The following BTBD10 variants were observed in gnomAD, a reference collection of about 807,000 sequenced individuals.
The protein encoded by BTBD10 is BTB domain containing 10, also known as BTB/POZ domain-containing protein 10.
In BTBD10, 21 loss-of-function variants were observed where a neutral mutation model predicts 53.2. The ratio of observed to expected loss-of-function variants is 0.39; its 90% CI spans 0.28 to 0.57. BTBD10 has a LOEUF of 0.57. BTBD10 is among the 20% of genes least tolerant of loss of function. The pLI, the probability that BTBD10 is intolerant of heterozygous loss-of-function variation, is 0.53. For synonymous variants in BTBD10, 149 were observed against 192.7 expected, an observed-to-expected ratio of 0.77 and a Z score of 1.88; for missense variants, 360 against 594.7, an observed-to-expected ratio of 0.61 and a Z score of 4.10.
At chr11:13,444,751 C>T (rs968271453) in intron 2 of BTBD10, among the ~76,000 whole-genome samples, 7 of 152,096 alleles carry the variant, frequency 4.6e-5, no homozygotes, top group African/African-American at 1.4e-4. Context: ...GTGAGAGTCC[C>T]CAATTAAGTA....
chr11:13,398,614 G>T (rs902488669), intron 8 of BTBD10, among the ~76,000 whole-genome samples: 1 of 152,192 alleles, frequency 6.6e-6, no homozygotes, highest in Non-Finnish European at 1.5e-5. Flanking sequence ...TTGTTCATTA[G>T]TTGATGCAGT....
chr11:13,460,041 C>T (rs1951060908), intron 1 of BTBD10, among the ~76,000 whole-genome samples: 1 of 152,194 alleles, frequency 6.6e-6, no homozygotes, highest in Non-Finnish European at 1.5e-5. Flanking sequence ...AACAGGAGCA[C>T]CTCACAAACA....
chr11:13,402,703 C>T (rs1428140920), intron 8 of BTBD10, among the ~76,000 whole-genome samples: 1 of 152,160 alleles, frequency 6.6e-6, no homozygotes, highest in Non-Finnish European at 1.5e-5. Context: ...ATAATTTGTA[C>T]TTACCTTGAA....
intron 2 of BTBD10, among the ~76,000 whole-genome samples, chr11:13,429,375 A>G (rs187715507): frequency 2.0e-5 from 3 of 152,302 alleles, no homozygotes; most frequent in Admixed American, 2.0e-4. Context: ...GACTAACATG[A>G]TCTGATTTCA....
chr11:13,426,393 A>G (rs1303674904), intron 2 of BTBD10, among the ~76,000 whole-genome samples: 1 of 152,106 alleles, frequency 6.6e-6, no homozygotes, highest in African/African-American at 2.4e-5. Context: ...CAGAAAAAAA[A>G]GCTAATGCCA....
intron 2 of BTBD10, among the ~76,000 whole-genome samples, chr11:13,436,340 T>C (rs746060742): frequency 6.6e-6 from 1 of 152,204 alleles, no homozygotes; most frequent in Non-Finnish European, 1.5e-5. Context: ...GCAGCATCCC[T>C]AGCCTCCATC....
At chr11:13,398,892 G>C (rs1591094100) in intron 8 of BTBD10, among the ~76,000 whole-genome samples, 1 of 152,322 alleles carries the variant, frequency 6.6e-6, no homozygotes, top group African/African-American at 2.4e-5. Context: ...CTGGCTTGTA[G>C]AGTTTCTGCT....
chr11:13,389,551 C>T (rs536707488), intron 8 of BTBD10, among the ~76,000 whole-genome samples: 129 of 152,214 alleles, frequency 8.5e-4, no homozygotes, highest in Admixed American at 1.8e-3. Context: ...CCTCAGTCTC[C>T]AGAGTAGCGC....
chr11:13,399,661 T>C (rs1949659586), intron 8 of BTBD10, among the ~76,000 whole-genome samples: 1 of 152,180 alleles, frequency 6.6e-6, no homozygotes, highest in Admixed American at 6.5e-5. Context: ...CTCTGTTTTT[T>C]CCCCATCTTT....
chr11:13,422,604 T>C (rs1044080176), intron 2 of BTBD10, among the ~76,000 whole-genome samples: 3 of 151,872 alleles, frequency 2.0e-5, no homozygotes, highest in African/African-American at 7.3e-5. Flanking sequence ...ATCACGCCAC[T>C]GCACTCCAGC....
chr11:13,428,021 T>C (rs978579132), intron 2 of BTBD10, among the ~76,000 whole-genome samples: 52 of 151,986 alleles, frequency 3.4e-4, no homozygotes, highest in African/African-American at 1.2e-3. Context: ...ATTCCTACAT[T>C]AGAAAAGAAG....
intron 1 of BTBD10, among the ~76,000 whole-genome samples, chr11:13,457,407 T>A (rs546840637): frequency 5.3e-5 from 8 of 152,258 alleles, no homozygotes; most frequent in Non-Finnish European, 1.0e-4. Context: ...CTGAATAAAC[T>A]ACATGCATCC....
chr11:13,459,425 G>A (rs1951044233), intron 1 of BTBD10, among the ~76,000 whole-genome samples: 4 of 152,038 alleles, frequency 2.6e-5, no homozygotes, highest in Admixed American at 6.5e-5. Context: ...ACCCGAGCAA[G>A]ATACACTAGG....
At chr11:13,415,820 T>G (rs1394952740) in intron 5 of BTBD10, among the ~76,000 whole-genome samples, 1 of 151,796 alleles carries the variant, frequency 6.6e-6, no homozygotes, top group African/African-American at 2.4e-5. Flanking sequence ...TAGCTAATTT[T>G]TGGAAATATT....
At chr11:13,454,535 TGTAA>T (rs1950925896) in intron 1 of BTBD10, among the ~76,000 whole-genome samples, 2 of 152,076 alleles carry the variant, frequency 1.3e-5, no homozygotes, top group African/African-American at 4.8e-5. Context: ...CCAATTGAAT[TGTAA>T]GTATCTAATT....
chr11:13,413,797 C>G (rs1274944352), intron 5 of BTBD10, 147 bp from the exon 6 acceptor site: 7 of 650,118 alleles, frequency 1.1e-5, no homozygotes, highest in Non-Finnish European at 1.6e-5. Flanking sequence ...TAGATGAGAC[C>G]TCCGTTCACC....
intron 8 of BTBD10, among the ~76,000 whole-genome samples, chr11:13,399,605 TGGA>T (rs1457046321): frequency 2.6e-5 from 4 of 152,224 alleles, no homozygotes; most frequent in East Asian, 3.9e-4. Flanking sequence ...TGCATTCCTT[TGGA>T]GGAGGAGAGG....
intron 8 of BTBD10, 33 bp downstream of exon 8, chr11:13,403,135 G>A (rs1949747513): frequency 7.7e-7 from 1 of 1,294,070 alleles, no homozygotes; most frequent in Non-Finnish European, 1.1e-6. Context: ...GTTTTAAAAA[G>A]AAAACTAATA....
intron 1 of BTBD10, chr11:13,459,755 G>C (rs934921386): frequency 3.9e-5 from 6 of 152,142 alleles, no homozygotes; most frequent in Non-Finnish European, 8.8e-5. Context: ...CAAATGAATA[G>C]ACAATGTATA....
Sources: allele counts gnomAD v4.1 joint callset (sites outside exome capture counted in the v4.1 genomes callset), GRCh38; gene constraint gnomAD v4.1.1; transcripts MANE v1.5; gene names NCBI Gene and HGNC (gene_info 2026-07-23, HGNC 2026-07-21).